Variants in R3HDM1 observed in about 807,000 individuals in gnomAD.
R3HDM1 encodes R3H domain containing 1.
Under a neutral mutation model 141.1 loss-of-function variants are expected in R3HDM1, and 46 were observed. That is an observed-to-expected ratio of 0.33 (90% CI 0.26 to 0.42). The LOEUF is 0.42. R3HDM1 is among the 10% of genes least tolerant of loss of function. R3HDM1 has a pLI of 1.00. For missense variants in R3HDM1, 1,184 were observed against 1,368.3 expected, an observed-to-expected ratio of 0.87 and a Z score of 2.12; for synonymous variants, 435 against 472.9, an observed-to-expected ratio of 0.92 and a Z score of 1.04.
intron 1 of R3HDM1, among the ~76,000 whole-genome samples, chr2:135,534,433 G>C (rs771816102): frequency 6.6e-6 from 1 of 152,188 alleles, no homozygotes; most frequent in African/African-American, 2.4e-5. Flanking sequence ...CAACACTTGA[G>C]TGTTTCTTTT....
rs80129612 is a variant in R3HDM1, at chr2:135,713,695, A to G, written c.2737-1855A>G. 0.011 allele frequency among the ~76,000 whole-genome samples: 1,623 copies of G among 152,314 alleles called. 100 individuals carry two copies. In the East Asian group the frequency reaches 0.19, roughly 18 times the overall value. ...GGTAGTTTGTAAATAACCAGTCTCC[A>G]TTAAAAGGAACTAGGGCTCCTTAGA... On this transcript the variant is annotated intron_variant, in intron 23 of 26. Transcript: ENST00000683871.
chr2:135,636,368 T>G (rs2063248191), intron 11 of R3HDM1, among the ~76,000 whole-genome samples, 185 bp downstream of exon 11: 1 of 152,182 alleles, frequency 6.6e-6, no homozygotes, highest in African/African-American at 2.4e-5. Flanking sequence ...AATACTACAT[T>G]GCAGTAGTTA....
At chr2:135,535,534 ATAAATAAATAT>A (rs1695896832) in intron 1 of R3HDM1, among the ~76,000 whole-genome samples, 1 of 150,126 alleles carries the variant, frequency 6.7e-6, no homozygotes, top group African/African-American at 2.5e-5. Flanking sequence ...AAATAAATAA[ATAAATAAATAT>A]GAGATGGCTG....
intron 1 of R3HDM1, among the ~76,000 whole-genome samples, chr2:135,589,805 G>A (rs1708818613): frequency 6.6e-6 from 1 of 151,644 alleles, no homozygotes; most frequent in Non-Finnish European, 1.5e-5. Context: ...TAATATATCT[G>A]TCACATTATA....
Position 135,574,546 on chromosome 2 carries a change from A to G in R3HDM1, c.-249-27954A>G, listed in dbSNP as rs561322679. Among the ~76,000 whole-genome samples, 123 of 152,348 alleles carry G rather than the reference A, an allele frequency of 8.1e-4. 1 individual carries two copies. Among genetic ancestry groups the G allele is most frequent in the African/African-American group, 2.6e-3 (109 of 41,586 alleles). On this transcript the variant is annotated intron_variant, in intron 1 of 26. Transcript: ENST00000683871. Reference sequence around the variant, plus strand: ...TGGTAAGAACAGTATTGAAAAAAGAAAGCTATAAATCAGCATCCCATAAGA... The same window carrying G: ...TGGTAAGAACAGTATTGAAAAAAGAGAGCTATAAATCAGCATCCCATAAGA...
chr2:135,563,307 C>A (rs1162617372), intron 1 of R3HDM1, among the ~76,000 whole-genome samples: 1 of 152,136 alleles, frequency 6.6e-6, no homozygotes, highest in Admixed American at 6.5e-5. Context: ...CAAGAAAAAT[C>A]TTCTTTTTTC....
chr2:135,558,862 T>G (rs1701252732), intron 1 of R3HDM1, among the ~76,000 whole-genome samples: 1 of 152,196 alleles, frequency 6.6e-6, no homozygotes, highest in Non-Finnish European at 1.5e-5. Context: ...TGGTTAAATG[T>G]GTTTTTAAAC....
At chr2:135,553,424 CAAT>C (rs1700167940) in intron 1 of R3HDM1, among the ~76,000 whole-genome samples, 1 of 151,972 alleles carries the variant, frequency 6.6e-6, no homozygotes, top group Non-Finnish European at 1.5e-5. Flanking sequence ...TCCAGATTAG[CAAT>C]AATAATGTTT....
At chr2:135,680,888 TACTC>T (rs1177301071) in intron 21 of R3HDM1, among the ~76,000 whole-genome samples, 8 of 152,226 alleles carry the variant, frequency 5.3e-5, no homozygotes, top group Non-Finnish European at 1.5e-5. Context: ...AATCTTCTGT[TACTC>T]ACACAAATGG....
At chr2:135,604,731 A>G in intron 2 of R3HDM1, 75 bp from the exon 3 acceptor site, 2 of 1,126,276 alleles carry the variant, frequency 1.8e-6, no homozygotes, top group Non-Finnish European at 2.6e-6. Flanking sequence ...CTGGAACATA[A>G]CAGACAGTAG....
At chr2:135,715,031 T>C (rs1245184051) in intron 23 of R3HDM1, among the ~76,000 whole-genome samples, 2 of 152,130 alleles carry the variant, frequency 1.3e-5, no homozygotes. Context: ...TTGTGAAAAA[T>C]GGATGTATGA....
chr2:135,657,024 C>G (rs988562118), intron 18 of R3HDM1, among the ~76,000 whole-genome samples: 5 of 151,854 alleles, frequency 3.3e-5, no homozygotes, highest in Admixed American at 6.6e-5. Flanking sequence ...TGCTTGAACC[C>G]GGGCAGCAGA....
chr2:135,586,553 A>G (rs1262176877), intron 1 of R3HDM1: 1 of 243,716 alleles, frequency 4.1e-6, no homozygotes, highest in Non-Finnish European at 6.6e-6. Flanking sequence ...ATGTAATCTG[A>G]TACATGAAGT....
intron 2 of R3HDM1, among the ~76,000 whole-genome samples, chr2:135,603,579 TTA>T: frequency 6.6e-6 from 1 of 152,214 alleles, no homozygotes; most frequent in South Asian, 2.1e-4. Context: ...AATAAGTTGT[TTA>T]TATAAAGTTC....
intron 6 of R3HDM1, 133 bp downstream of exon 6, chr2:135,621,741 A>T (rs1426765777): frequency 7.8e-7 from 1 of 1,282,470 alleles, no homozygotes; most frequent in African/African-American, 1.5e-5. Flanking sequence ...ATGATACAGT[A>T]CTTAACTCAT....
chr2:135,579,455 T>C lies in R3HDM1; in HGVS notation c.-249-23045T>C, dbSNP rs183991688. On this transcript the variant is annotated intron_variant, in intron 1 of 26. Coordinates refer to ENST00000683871, the MANE Select transcript of R3HDM1 (RefSeq NM_001378107.1). ...AAAACCATCATTAGGCAGACAACACTATGATAAATATTGCATGCAAGAACT... is the reference window on the plus strand; with the variant it reads ...AAAACCATCATTAGGCAGACAACACCATGATAAATATTGCATGCAAGAACT... Among the ~76,000 whole-genome samples the C allele has an allele frequency of 2.6e-5, 4 of 152,224 alleles. No homozygotes were observed. In the East Asian group the frequency reaches 7.7e-4, roughly 29 times the overall value.
intron 1 of R3HDM1, among the ~76,000 whole-genome samples, chr2:135,576,807 A>G (rs541324039): frequency 2.0e-5 from 3 of 152,356 alleles, no homozygotes; most frequent in African/African-American, 7.2e-5. Flanking sequence ...AGGCAAGTCA[A>G]TAAAGTGTGA....
intron 21 of R3HDM1, among the ~76,000 whole-genome samples, chr2:135,698,164 CTTT>C (rs1209614603): frequency 1.4e-5 from 2 of 142,706 alleles, no homozygotes; most frequent in Admixed American, 7.0e-5. Context: ...TTTCTTCTCC[CTTT>C]TTTTTTTTTT....
intron 3 of R3HDM1, 98 bp downstream of exon 3, chr2:135,605,114 T>TC: frequency 5.4e-6 from 6 of 1,101,270 alleles, no homozygotes; most frequent in Non-Finnish European, 7.6e-6. Flanking sequence ...TCTAAAAGGG[T>TC]AAGTTGACCC....
Sources: allele counts gnomAD v4.1 joint callset (sites outside exome capture counted in the v4.1 genomes callset), GRCh38; gene constraint gnomAD v4.1.1; transcripts MANE v1.5; gene names NCBI Gene and HGNC (gene_info 2026-07-23, HGNC 2026-07-21).